CTNND2: variants seen among roughly 807,000 people sequenced by gnomAD.
The protein encoded by CTNND2 is catenin delta-2.
CTNND2 carries 22 observed loss-of-function variants against 144.4 expected under a neutral mutation model. The observed-to-expected ratio is 0.15, with a 90% CI of 0.11 to 0.22. CTNND2 has a LOEUF of 0.22. CTNND2 is among the 10% of genes least tolerant of loss of function. The pLI is 1.00. For synonymous variants in CTNND2, 751 were observed against 695.6 expected (o/e 1.08, Z -1.25); for missense variants, 1,353 against 1,618.8 (o/e 0.84, Z 2.82).
intron 1 of CTNND2, among the ~76,000 whole-genome samples, chr5:11,792,437 T>C (rs1197620304): frequency 6.6e-6 from 1 of 152,222 alleles, no homozygotes; most frequent in Non-Finnish European, 1.5e-5. Context: ...TTTTAAGTAA[T>C]TCAAAAGTAT....
chr5:11,672,518 G>A (rs1474357833), intron 2 of CTNND2, among the ~76,000 whole-genome samples: 1 of 152,148 alleles, frequency 6.6e-6, no homozygotes, highest in Non-Finnish European at 1.5e-5. Context: ...TCACCTTGCT[G>A]AGCTATGGAG....
intron 16 of CTNND2, among the ~76,000 whole-genome samples, chr5:11,045,501 A>G (rs1745146033): frequency 6.6e-6 from 1 of 152,174 alleles, no homozygotes; most frequent in South Asian, 2.1e-4. Context: ...ACCTCCCACA[A>G]GGCCCCATCT....
chr5:11,100,216 A>T (rs1751751182), intron 14 of CTNND2, among the ~76,000 whole-genome samples: 1 of 152,186 alleles, frequency 6.6e-6, no homozygotes, highest in Non-Finnish European at 1.5e-5. Context: ...CTCAATAATG[A>T]CACAGCTTAG....
intron 9 of CTNND2, among the ~76,000 whole-genome samples, chr5:11,308,984 C>G (rs2150046455): frequency 6.6e-6 from 1 of 152,286 alleles, no homozygotes; most frequent in African/African-American, 2.4e-5. Flanking sequence ...TTTAAACAAC[C>G]AGGTCTTGTG....
chr5:11,409,233 A>G (rs935938668), intron 5 of CTNND2, among the ~76,000 whole-genome samples: 4 of 152,012 alleles, frequency 2.6e-5, no homozygotes, highest in African/African-American at 9.6e-5. Context: ...CATTTTGCTT[A>G]CAATTTTATT....
At chr5:11,812,030 G>T (rs1284563328) in intron 1 of CTNND2, among the ~76,000 whole-genome samples, 5 of 152,188 alleles carry the variant, frequency 3.3e-5, no homozygotes, top group African/African-American at 4.8e-5. Context: ...ACATGGTAAT[G>T]TAGCCATCAA....
chr5:11,756,498 TA>T (rs1788943383), intron 1 of CTNND2, among the ~76,000 whole-genome samples: 1 of 151,656 alleles, frequency 6.6e-6, no homozygotes, highest in Non-Finnish European at 1.5e-5. Context: ...CTTAAAACAA[TA>T]AAAACAACAT....
At chr5:11,625,389 ATCTCTCTCTCTCTC>A (rs57148533) in intron 2 of CTNND2, among the ~76,000 whole-genome samples, 1 of 140,394 alleles carries the variant, frequency 7.1e-6, no homozygotes, top group Non-Finnish European at 1.6e-5. Context: ...AAACAGAAAA[ATCTCTCTCTCTCTC>A]TCTCTCTCTC....
At chr5:11,117,819 G>C (rs115678694) in intron 12 of CTNND2, among the ~76,000 whole-genome samples, 1 of 152,208 alleles carries the variant, frequency 6.6e-6, no homozygotes. Flanking sequence ...GGATCTGTGA[G>C]TCCCATGACC....
intron 9 of CTNND2, among the ~76,000 whole-genome samples, chr5:11,297,119 ATGTGCCAACATCACAGATGT>A (rs1749108537): frequency 6.6e-6 from 1 of 152,250 alleles, no homozygotes; most frequent in South Asian, 2.1e-4. Context: ...TCAGCCCAGT[ATGTGCCAACATCACAGATGT>A]TCATAAAAGA....
intron 2 of CTNND2, among the ~76,000 whole-genome samples, chr5:11,688,792 G>A (rs535955052): frequency 1.3e-5 from 2 of 152,218 alleles, no homozygotes; most frequent in Admixed American, 6.5e-5. Flanking sequence ...CTATTAAAAC[G>A]GCTGCAGCAC....
chr5:11,024,406 T>C (rs1462500858), intron 16 of CTNND2, among the ~76,000 whole-genome samples: 3 of 152,350 alleles, frequency 2.0e-5, no homozygotes, highest in South Asian at 2.1e-4. Flanking sequence ...TAAAATAGTT[T>C]ATCTATTTAT....
chr5:11,902,858 C>T (rs2126357621), intron 1 of CTNND2, among the ~76,000 whole-genome samples: 1 of 152,246 alleles, frequency 6.6e-6, no homozygotes, highest in Admixed American at 6.5e-5. Context: ...CATACCCCCA[C>T]GGTTACAGCA....
chr5:11,039,238 T>C (rs1446434178), intron 16 of CTNND2, among the ~76,000 whole-genome samples: 2 of 152,200 alleles, frequency 1.3e-5, no homozygotes, highest in African/African-American at 4.8e-5. Context: ...TGTGATTACC[T>C]TGTGAGAAAA....
chr5:11,185,683 C>T (rs116040699), intron 11 of CTNND2, among the ~76,000 whole-genome samples: 57 of 152,334 alleles, frequency 3.7e-4, no homozygotes, highest in Non-Finnish European at 7.6e-4. Context: ...GGCTGAGTTT[C>T]ATCCTCTAAC....
intron 2 of CTNND2, among the ~76,000 whole-genome samples, chr5:11,591,898 A>G (rs1581576511): frequency 6.6e-6 from 1 of 152,180 alleles, no homozygotes; most frequent in Non-Finnish European, 1.5e-5. Context: ...TTTGCTTGGT[A>G]ACAGATTGGG....
intron 14 of CTNND2, 28 bp from the exon 15 acceptor site, chr5:11,098,776 C>T (rs778117190): frequency 6.2e-7 from 1 of 1,603,470 alleles, no homozygotes; most frequent in South Asian, 1.1e-5. Flanking sequence ...AGAGAGCAAA[C>T]ATCTTTAACA....
chr5:11,558,357 T>C (rs1776400586), intron 3 of CTNND2, among the ~76,000 whole-genome samples: 1 of 102,442 alleles, frequency 9.8e-6, no homozygotes, highest in African/African-American at 3.2e-5. Context: ...TGTGTGTGTG[T>C]GTGTGTGTGT....
At chr5:11,080,485 G>T (rs1749433770) in intron 16 of CTNND2, among the ~76,000 whole-genome samples, 2 of 152,282 alleles carry the variant, frequency 1.3e-5, no homozygotes, top group Non-Finnish European at 1.5e-5. Context: ...TATATCCAGA[G>T]GATCTGGTAT....
Sources: gnomAD v4.1 joint callset for allele counts (sites outside exome capture counted in the v4.1 genomes callset) on GRCh38, gnomAD v4.1.1 for gene constraint, MANE v1.5 for transcripts, NCBI Gene and HGNC (gene_info 2026-07-23, HGNC 2026-07-21) for gene names.